EDARADD: variants seen among roughly 807,000 people sequenced by gnomAD.
EDARADD encodes EDAR associated via death domain, also known as ectodysplasin-A receptor-associated adapter protein.
A neutral mutation model predicts 25.6 loss-of-function variants in EDARADD; 20 were observed. The observed-to-expected ratio is 0.78, with a 90% confidence interval of 0.55 to 1.14. The LOEUF (loss-of-function observed/expected upper bound fraction) is 1.14. EDARADD is among the 50% of genes most tolerant of loss of function. The pLI is 0.00. For synonymous variants in EDARADD, 86 were observed against 94.4 expected, an observed-to-expected ratio of 0.91 and a Z score of 0.52; for missense variants, 225 against 270.1, an observed-to-expected ratio of 0.83 and a Z score of 1.17.
chr1:236,427,359 G>GTTTC (rs770298803), intron 3 of EDARADD, 33 bp from the exon 4 acceptor site: 15 of 1,592,360 alleles, frequency 9.4e-6, no homozygotes, highest in East Asian at 6.7e-5. Context: ...ATCACACTTT[G>GTTTC]TTTCTTTCTT....
intron 3 of EDARADD, among the ~76,000 whole-genome samples, chr1:236,424,948 A>G (rs1657875243): frequency 6.6e-6 from 1 of 152,248 alleles, no homozygotes; most frequent in African/African-American, 2.4e-5. Context: ...TTCTAGCCAC[A>G]TAAAGTTGTG....
At chr1:236,402,410 A>G (rs1253123331) in intron 1 of EDARADD, among the ~76,000 whole-genome samples, 2 of 152,112 alleles carry the variant, frequency 1.3e-5, no homozygotes, top group Non-Finnish European at 2.9e-5. Flanking sequence ...ATAAAAATAA[A>G]TTAGCCAGAT....
At chr1:236,377,120 A>T (rs1192474880) in intron 3 of EDARADD, among the ~76,000 whole-genome samples, 2 of 146,724 alleles carry the variant, frequency 1.4e-5, no homozygotes, top group African/African-American at 5.0e-5. Flanking sequence ...ACATATATAT[A>T]TTTTATATAT....
chr1:236,469,965 C>T (rs1229724194), intron 5 of EDARADD, among the ~76,000 whole-genome samples: 1 of 152,062 alleles, frequency 6.6e-6, no homozygotes, highest in Admixed American at 6.6e-5. Flanking sequence ...CTGCTTCGGC[C>T]TCCTAAAGTG....
Position 236,394,400 on chromosome 1 carries a change from C to G in EDARADD, c.-45C>G, listed in dbSNP as rs1667475648. 1 of 1,607,282 alleles carries G rather than the reference C, an allele frequency of 6.2e-7. No individual in the cohort carries two copies. The highest frequency in any genetic ancestry group is 8.5e-7 in the Non-Finnish European group (1 of 1,173,960). On this transcript the variant is annotated 5_prime_UTR_variant, in exon 1 of 6. Coordinates refer to ENST00000334232, the MANE Select transcript of EDARADD (RefSeq NM_145861.4). ...ATCTTCTCGCAATCTGTTGCTTCTT[C>G]CATGGCAAACTCCAGAGAATTAAGA...
At chr1:236,473,394 T>C (rs1385951126) in intron 5 of EDARADD, among the ~76,000 whole-genome samples, 1 of 152,090 alleles carries the variant, frequency 6.6e-6, no homozygotes, top group Non-Finnish European at 1.5e-5. Flanking sequence ...TGGACTGAGC[T>C]CAGTGTTCTA....
chr1:236,483,838 A>C lies in EDARADD; in HGVS notation c.*1189A>C. On this transcript the variant is annotated 3_prime_UTR_variant, in exon 6 of 6. Coordinates refer to ENST00000334232, the MANE Select transcript of EDARADD (RefSeq NM_145861.4). ...ATCCTGGAGAATAAAGAAGGCCTGGAGCTGCTGAAGACTGCGATTGGGAAA... is the reference window on the plus strand; with the variant it reads ...ATCCTGGAGAATAAAGAAGGCCTGGCGCTGCTGAAGACTGCGATTGGGAAA... 1.4e-6 allele frequency: 2 copies of C among 1,428,164 alleles called. No homozygotes were observed. The highest frequency in any genetic ancestry group is 3.4e-5 in the Admixed American group (2 of 59,532). The allele number at this position is 1,428,164 out of a possible 1,614,324, so 88.5% of individuals were successfully genotyped here. A position where few individuals can be genotyped will look rare whatever the true frequency, so the allele number is the denominator to read the frequency against.
intron 3 of EDARADD, among the ~76,000 whole-genome samples, chr1:236,374,390 T>G: frequency 6.6e-6 from 1 of 151,764 alleles, no homozygotes; most frequent in Non-Finnish European, 1.5e-5. Context: ...CTTCCCCACC[T>G]CAGCCTCCCA....
At chr1:236,478,777 T>G (rs753035773) in intron 5 of EDARADD, among the ~76,000 whole-genome samples, 4 of 152,028 alleles carry the variant, frequency 2.6e-5, no homozygotes, top group African/African-American at 4.8e-5. Context: ...TAGTAGAGAC[T>G]GGGTTTCACC....
chr1:236,484,445 C>T lies in EDARADD; in HGVS notation c.*1796C>T. The T allele has an allele frequency of 1.2e-6, 2 of 1,609,526 alleles. No homozygotes were observed. Among genetic ancestry groups the T allele is most frequent in the East Asian group, 2.2e-5 (1 of 44,858 alleles). The stretch of plus-strand genomic sequence containing the variant: ...GCAAGGCTAAGTTTGCCGGCAGGAA[C>T]TTCAGAAACCCCCCAGCCAAGTAAG... On this transcript the variant is annotated 3_prime_UTR_variant, in exon 6 of 6. Coordinates refer to ENST00000334232, the MANE Select transcript of EDARADD (RefSeq NM_145861.4). This position sits in a 1 kb window ranked among gnomAD's most constrained non-coding sequence, Gnocchi z 4.1.
chr1:236,350,466 G>A (rs1490125247), intron 2 of EDARADD, among the ~76,000 whole-genome samples: 1 of 152,138 alleles, frequency 6.6e-6, no homozygotes, highest in Admixed American at 6.5e-5. Flanking sequence ...GTAGAGACAG[G>A]TTTTCACCAA....
At chr1:236,426,983 G>A (rs1323455067) in intron 3 of EDARADD, among the ~76,000 whole-genome samples, 1 of 152,128 alleles carries the variant, frequency 6.6e-6, no homozygotes, top group Non-Finnish European at 1.5e-5. Context: ...CTGAGTTCAA[G>A]TGATTCTCCT....
chr1:236,445,471 G>T (rs1436450960), intron 4 of EDARADD, among the ~76,000 whole-genome samples: 1 of 151,998 alleles, frequency 6.6e-6, no homozygotes, highest in Non-Finnish European at 1.5e-5. Flanking sequence ...TAGGTGATCT[G>T]CCTGTCTTGG....
chr1:236,462,873 C>A (rs982742242), intron 4 of EDARADD, among the ~76,000 whole-genome samples: 1 of 152,214 alleles, frequency 6.6e-6, no homozygotes, highest in Admixed American at 6.5e-5. Flanking sequence ...TTCCACTCTG[C>A]AGTACCTTAA....
chr1:236,350,263 T>C (rs1329502532), intron 2 of EDARADD, among the ~76,000 whole-genome samples: 1 of 152,226 alleles, frequency 6.6e-6, no homozygotes, highest in African/African-American at 2.4e-5. Flanking sequence ...TTCCTTGTTA[T>C]GCCAGGGTCA....
intron 4 of EDARADD, among the ~76,000 whole-genome samples, chr1:236,442,483 C>T (rs1225953158): frequency 6.6e-6 from 1 of 152,194 alleles, no homozygotes; most frequent in Non-Finnish European, 1.5e-5. Context: ...GAAGTCAATT[C>T]CTGGATTCAA....
Position 236,395,210 on chromosome 1 carries a change from G to C in EDARADD, c.61+705G>C, listed in dbSNP as rs931631556. On this transcript the variant is annotated intron_variant, in intron 1 of 5. Coordinates refer to ENST00000334232, the MANE Select transcript of EDARADD (RefSeq NM_145861.4). The surrounding 1 kb of genome is among the most constrained non-coding windows in gnomAD (Gnocchi z 6.9). The stretch of plus-strand genomic sequence containing the variant: ...AAGGCCAGTCCTTCGCTCGCAGTCT[G>C]TCCCGGGCGGCAGTCGTGTCAGCCC... Among the ~76,000 whole-genome samples the C allele has an allele frequency of 2.0e-5, 3 of 152,300 alleles. No homozygotes were observed. The highest frequency in any genetic ancestry group is 3.4e-3 in the Middle Eastern group (1 of 292).
intron 2 of EDARADD, among the ~76,000 whole-genome samples, chr1:236,413,143 C>G (rs932024760): frequency 6.6e-6 from 1 of 152,206 alleles, no homozygotes; most frequent in Non-Finnish European, 1.5e-5. Context: ...GGATTACAGG[C>G]GTGAGCCACC....
At chr1:236,419,862 A>G (rs868702480) in intron 3 of EDARADD, among the ~76,000 whole-genome samples, 6 of 152,220 alleles carry the variant, frequency 3.9e-5, no homozygotes, top group Non-Finnish European at 8.8e-5. Context: ...GAACCAATCT[A>G]GCAGCTCAGC....
Sources: allele counts gnomAD v4.1 joint callset (sites outside exome capture counted in the v4.1 genomes callset), GRCh38; gene constraint gnomAD v4.1.1; non-coding constraint Gnocchi (gnomAD v3.1); transcripts MANE v1.5; gene names NCBI Gene and HGNC (gene_info 2026-07-23, HGNC 2026-07-21).